Variants in RFT1 observed in about 807,000 individuals in gnomAD.
The protein encoded by RFT1 is RFT1 glycolipid translocator homolog.
RFT1 carries 43 observed loss-of-function variants against 62.2 expected under a neutral mutation model. The observed-to-expected ratio is 0.69, with a 90% confidence interval of 0.54 to 0.89. RFT1 has a LOEUF of 0.89. RFT1 is among the 40% of genes least tolerant of loss of function. The pLI, the probability that RFT1 is intolerant of heterozygous loss-of-function variation, is 0.00. For synonymous variants in RFT1, 262 were observed against 264.6 expected, an observed-to-expected ratio of 0.99 and a Z score of 0.10; for missense variants, 605 against 649.9, an observed-to-expected ratio of 0.93 and a Z score of 0.75.
At chr3:53,125,118 C>A (rs1702073664) in intron 2 of RFT1, among the ~76,000 whole-genome samples, 1 of 152,212 alleles carries the variant, frequency 6.6e-6, no homozygotes, top group South Asian at 2.1e-4. Context: ...GTGCAAAACT[C>A]CACAGATGAT....
At chr3:53,106,914 T>C in intron 7 of RFT1, 45 bp from the exon 8 acceptor site, 1 of 1,418,332 alleles carries the variant, frequency 7.1e-7, no homozygotes, top group Non-Finnish European at 1.0e-6. Flanking sequence ...AAATGCACAT[T>C]ACTTTATTGT....
chr3:53,095,807 T>C (rs989583877), intron 11 of RFT1, among the ~76,000 whole-genome samples: 3 of 151,568 alleles, frequency 2.0e-5, no homozygotes, highest in Non-Finnish European at 2.9e-5. Context: ...GCTGGTTGAA[T>C]ACATCAAGGC....
At chr3:53,119,290 A>G (rs376561767) in intron 6 of RFT1, among the ~76,000 whole-genome samples, 1 of 152,188 alleles carries the variant, frequency 6.6e-6, no homozygotes, top group African/African-American at 2.4e-5. Flanking sequence ...ACTGAGGAAG[A>G]AAACCAAAAC....
intron 11 of RFT1, among the ~76,000 whole-genome samples, chr3:53,098,050 C>A (rs970008852): frequency 6.6e-6 from 1 of 152,148 alleles, no homozygotes; most frequent in Non-Finnish European, 1.5e-5. Context: ...ATCAGCGTGT[C>A]CTACGCATAA....
chr3:53,119,990 T>C lies in RFT1; in HGVS notation c.590A>G (p.Tyr197Cys), dbSNP rs781527440. Residue 197 changes from tyrosine to cysteine, a missense_variant, in exon 6 of 13, where the codon TAT becomes TGT. Tyr to Cys is a radical substitution (Grantham distance 194). Transcript: ENST00000296292. ...CAGTAACTTTGTGAAATAAATAACATAGCAGAGCACCAGAACTGTGGTATA... is the reference window on the plus strand; with the variant it reads ...CAGTAACTTTGTGAAATAAATAACACAGCAGAGCACCAGAACTGTGGTATA... ...LFYTTVLVLCYVIYFTKLLGS... is the reference protein window; with the variant it reads ...LFYTTVLVLCCVIYFTKLLGS... The C allele has an allele frequency of 1.4e-5, 23 of 1,608,712 alleles. No individual in the cohort carries two copies. In the Admixed American group the frequency reaches 1.9e-4, roughly 13 times the overall value.
intron 8 of RFT1, among the ~76,000 whole-genome samples, chr3:53,106,424 A>C (rs1280641747): frequency 6.6e-6 from 1 of 152,182 alleles, no homozygotes; most frequent in Non-Finnish European, 1.5e-5. Flanking sequence ...ATTAATGCAA[A>C]GTTGATGTTT....
the RFT1 span, among the ~76,000 whole-genome samples, chr3:53,069,106 A>G: frequency 6.6e-6 from 1 of 152,264 alleles, no homozygotes; most frequent in South Asian, 2.1e-4. Context: ...CGCGTGGCTA[A>G]TTTTTGTATT....
the RFT1 span, among the ~76,000 whole-genome samples, chr3:53,078,563 A>G: frequency 2.0e-5 from 3 of 152,086 alleles, no homozygotes; most frequent in Admixed American, 6.6e-5. Flanking sequence ...ACATAGTGAG[A>G]CCCCATCTCT....
Position 53,122,452 on chromosome 3 carries a change from A to G in RFT1, c.378T>C (p.Phe126=). The G allele has an allele frequency of 2.5e-6, 4 of 1,614,154 alleles. No homozygotes were observed. The highest frequency in any genetic ancestry group is 3.4e-6 in the Non-Finnish European group (4 of 1,180,024). ...VPHYATGVVL[F]GLSAVVELLG... ...GAAGCTCCACCACTGCCGAGAGACCAAACAGCACCACTCCAGTTGCATAGT... is the reference window on the plus strand; with the variant it reads ...GAAGCTCCACCACTGCCGAGAGACCGAACAGCACCACTCCAGTTGCATAGT... The change falls in exon 4 of 13, where the codon TTT becomes TTC. Residue 126 remains phenylalanine (F), a synonymous_variant. Transcript: ENST00000296292.
rs947939065 is a variant in RFT1, at chr3:53,110,276, A to C, written c.775+1554T>G. Among the ~76,000 whole-genome samples, 10 of 152,334 alleles carry C rather than the reference A, an allele frequency of 6.6e-5. No homozygotes were observed. In the East Asian group the frequency reaches 1.7e-3, roughly 26 times the overall value. ...TTTTCCTGTTCTTACAACAATGTGA[A>C]CTATCATCATACACATTTCACAATA... is the stretch of plus-strand genomic sequence containing the variant. On this transcript the variant is annotated intron_variant, in intron 7 of 12. Coordinates refer to ENST00000296292, the MANE Select transcript of RFT1 (RefSeq NM_052859.4).
intron 1 of RFT1, among the ~76,000 whole-genome samples, chr3:53,127,930 T>A (rs1240174323): frequency 1.3e-5 from 2 of 152,160 alleles, no homozygotes; most frequent in East Asian, 3.8e-4. Context: ...CAAAGCTACC[T>A]GAAGTGTCTA....
At chr3:53,117,306 T>C (rs1701836952) in intron 6 of RFT1, among the ~76,000 whole-genome samples, 2 of 152,260 alleles carry the variant, frequency 1.3e-5, no homozygotes, top group African/African-American at 4.8e-5. Context: ...ACTCCTGAAG[T>C]CTTCAGAGGG....
chr3:53,073,415 C>T, the RFT1 span, among the ~76,000 whole-genome samples: 2 of 152,196 alleles, frequency 1.3e-5, no homozygotes, highest in Non-Finnish European at 2.9e-5. Flanking sequence ...GGAAAGTAAG[C>T]GGAAGTCCCG....
At position 53,105,580 on chromosome 3, in the gene RFT1, C is replaced by A. The variant is rs890618317; in HGVS notation, c.957+93G>T. 5 of 1,461,072 alleles carry A rather than the reference C, an allele frequency of 3.4e-6. No individual in the cohort carries two copies. In the African/African-American group the frequency reaches 7.0e-5, roughly 20 times the overall value. The allele number at this position is 1,461,072 out of a possible 1,614,324, so 90.5% of individuals were successfully genotyped here. The stretch of plus-strand genomic sequence containing the variant: ...TGAAATCTATAAGAAAATTCCTGAT[C>A]AAACAGAAGAGAAACAGACTGCTTC... On this transcript the variant is annotated intron_variant, in intron 9 of 12. Transcript: ENST00000296292.
rs956672347 is a variant in RFT1, at chr3:53,089,352, A to T, written c.*2551T>A. 2.6e-5 allele frequency: 4 copies of T among 152,276 alleles called. No individual in the cohort carries two copies. The highest frequency in any genetic ancestry group is 4.4e-5 in the Non-Finnish European group (3 of 68,078). The allele number at this position is 152,276 out of a possible 1,614,324, so 9.4% of individuals were successfully genotyped here. A position where few individuals can be genotyped will look rare whatever the true frequency, so the allele number is the denominator to read the frequency against. On this transcript the variant is annotated 3_prime_UTR_variant, in exon 13 of 13. Coordinates refer to ENST00000296292, the MANE Select transcript of RFT1 (RefSeq NM_052859.4). The stretch of plus-strand genomic sequence containing the variant: ...CAGAGGAGCACAGGAAGTCAGCGAT[A>T]CTGTTCTTCTCACCAACGAATGCTC...
intron 6 of RFT1, among the ~76,000 whole-genome samples, 190 bp downstream of exon 6, chr3:53,119,694 A>C (rs1481634029): frequency 6.6e-6 from 1 of 152,220 alleles, no homozygotes; most frequent in Non-Finnish European, 1.5e-5. Context: ...ACAACAAAGA[A>C]TTGAGCAGCC....
chr3:53,106,725 T>C, intron 8 of RFT1, 94 bp downstream of exon 8: 1 of 941,526 alleles, frequency 1.1e-6, no homozygotes, highest in Non-Finnish European at 1.7e-6. Flanking sequence ...AATCTTCAGG[T>C]TCATCTTTCA....
chr3:53,101,967 G>A (rs1308194012), intron 10 of RFT1, among the ~76,000 whole-genome samples: 10 of 151,032 alleles, frequency 6.6e-5, no homozygotes, highest in African/African-American at 2.2e-4. Context: ...AACCCGGGAG[G>A]TGGAGGCTGC....
the RFT1 span, among the ~76,000 whole-genome samples, chr3:53,075,242 G>A: frequency 2.6e-5 from 4 of 152,208 alleles, no homozygotes; most frequent in East Asian, 5.8e-4. Context: ...CCACTTAGCC[G>A]ATTGAATCTG....
Sources: gnomAD v4.1 joint callset for allele counts (sites outside exome capture counted in the v4.1 genomes callset) on GRCh38, gnomAD v4.1.1 for gene constraint, MANE v1.5 for transcripts, NCBI Gene and HGNC (gene_info 2026-07-23, HGNC 2026-07-21) for gene names.